MYBPC3: variants seen among roughly 807,000 people sequenced by gnomAD.
The protein encoded by MYBPC3 is myosin binding protein C3.
A neutral mutation model predicts 159.3 loss-of-function variants in MYBPC3; 108 were observed. That is an observed-to-expected ratio of 0.68 (90% CI 0.58 to 0.80). MYBPC3 has a LOEUF of 0.80. Ranked by LOEUF, MYBPC3 falls within the 30% of genes least tolerant of loss-of-function variation. MYBPC3 has a pLI of 0.00. For synonymous variants in MYBPC3, 730 were observed against 702.0 expected (o/e 1.04, Z -0.63); for missense variants, 1,631 against 1,762.1 (o/e 0.93, Z 1.33).
At position 47,350,518 on chromosome 11, in the gene MYBPC3, AC is replaced by A; in HGVS notation, c.389del (p.Ser130MetfsTer29). 6.4e-7 allele frequency: 1 copy of A among 1,558,736 alleles called. No individual in the cohort carries two copies. Among genetic ancestry groups the A allele is most frequent in the Non-Finnish European group, 8.6e-7 (1 of 1,156,252 alleles). On this transcript the variant is annotated frameshift_variant, in exon 3 of 35. Coordinates refer to ENST00000545968, the MANE Select transcript of MYBPC3 (RefSeq NM_000256.3). LOFTEE classifies it high-confidence loss of function. ...APAPAAELGE[S>X]APSPKGSSSA... Reference sequence around the variant, plus strand: ...CCCTCTCACCTTTGGGACTTGGGGCACTTTCTCCCAGCTCAGCGGCTGGGGC... The same window carrying A: ...CCCTCTCACCTTTGGGACTTGGGGCATTTCTCCCAGCTCAGCGGCTGGGGC...
chr11:47,349,968 G>A, intron 4 of MYBPC3, 46 bp from the exon 5 acceptor site: 1 of 1,565,192 alleles, frequency 6.4e-7, no homozygotes, highest in Admixed American at 1.9e-5. Context: ...GTGTCCTGCT[G>A]CCCCCCCTTC....
chr11:47,331,797 C>G (rs2095876003), intron 34 of MYBPC3, 48 bp downstream of exon 34: 6 of 1,555,722 alleles, frequency 3.9e-6, no homozygotes, highest in Non-Finnish European at 5.2e-6. Flanking sequence ...GGACCAAGGG[C>G]CAGGGCTCAG....
chr11:47,340,244 GACAC>G (rs780112012), intron 20 of MYBPC3, among the ~76,000 whole-genome samples: 2 of 150,104 alleles, frequency 1.3e-5, no homozygotes, highest in African/African-American at 4.9e-5. Flanking sequence ...CACAGACACA[GACAC>G]ACATATATAC....
At chr11:47,340,271 A>G (rs2095887165) in intron 20 of MYBPC3, among the ~76,000 whole-genome samples, 1 of 150,404 alleles carries the variant, frequency 6.6e-6, no homozygotes, top group Non-Finnish European at 1.5e-5. Flanking sequence ...ACACACACAG[A>G]CACATGCACA....
intron 3 of MYBPC3, 66 bp from the exon 4 acceptor site, chr11:47,350,178 C>G (rs759361434): frequency 1.4e-5 from 21 of 1,484,374 alleles, no homozygotes; most frequent in Non-Finnish European, 1.9e-5. Flanking sequence ...GGCTGGAGTG[C>G]AGAGGCACAA....
rs898633317 is a variant in MYBPC3, at chr11:47,350,534, G to A, written c.374C>T (p.Ala125Val). 5 of 1,557,396 alleles carry A rather than the reference G, an allele frequency of 3.2e-6. No individual in the cohort carries two copies. The African/African-American group carries it at 5.5e-5, about 17-fold the overall frequency. The change falls in exon 3 of 35, where the codon GCT (alanine) becomes GTT (valine). Residue 125 changes from alanine (A) to valine (V), a missense_variant. Ala to Val is a moderately conservative substitution (Grantham distance 64). Transcript: ENST00000545968. ...GAPGEAPAPA[A>V]ELGESAPSPK... ...ACTTGGGGCACTTTCTCCCAGCTCA[G>A]CGGCTGGGGCCGGGGCTTCTCCAGG...
rs780768974 is a variant in MYBPC3 at position 47,350,545 on chromosome 11, C to T, written c.363G>A (p.Pro121=). The change falls in exon 3 of 35, where the codon CCG becomes CCA. Residue 121 remains proline (P), a synonymous_variant. Transcript: ENST00000545968. ...AEATGAPGEA[P]APAAELGESA... is the part of the protein sequence containing the mutation. ...TTTCTCCCAGCTCAGCGGCTGGGGCCGGGGCTTCTCCAGGGGCTCCAGTGG... is the reference window on the plus strand; with the variant it reads ...TTTCTCCCAGCTCAGCGGCTGGGGCTGGGGCTTCTCCAGGGGCTCCAGTGG... 2.8e-5 allele frequency: 44 copies of T among 1,552,488 alleles called. No individual in the cohort carries two copies. Among genetic ancestry groups the T allele is most frequent in the South Asian group, 1.1e-4 (9 of 82,446 alleles).
At chr11:47,348,993 A>G (rs1426265682) in intron 5 of MYBPC3, among the ~76,000 whole-genome samples, 2 of 146,170 alleles carry the variant, frequency 1.4e-5, no homozygotes, top group African/African-American at 5.0e-5. Flanking sequence ...GTTAACCCAT[A>G]CAGAGTTTTT....
In MYBPC3 at chr11:47,335,929, G is replaced by A. The variant is rs1595843026; in HGVS notation, c.2685C>T (p.Arg895=). ...TVSLKWRPPE[R]VGAGGLDGYS... ...AGCCATCCAGGCCTCCTGCTCCCAC[G>A]CGCTCTGGGGGCCGCCACTTGAGGG... The change falls in exon 26 of 35, where the codon CGC becomes CGT. Residue 895 remains arginine (R), a synonymous_variant. Transcript: ENST00000545968. 4.5e-6 allele frequency: 7 copies of A among 1,555,310 alleles called. No homozygotes were observed. The South Asian group carries it at 4.8e-5, about 11-fold the overall frequency.
rs2095883651 is a variant in MYBPC3, at chr11:47,337,538, T to A, written c.2455A>T (p.Met819Leu). ...TGAATCAGGTCGAAGTTCAGCCGCATCCACCGGTAGCTCTTCTTCTTCTTG... is the reference window on the plus strand; with the variant it reads ...TGAATCAGGTCGAAGTTCAGCCGCAACCACCGGTAGCTCTTCTTCTTCTTG... ...ERKKKKSYRWMRLNFDLIQEL... is the reference protein window; with the variant it reads ...ERKKKKSYRWLRLNFDLIQEL... The change falls in exon 25 of 35, where the codon ATG becomes TTG. Residue 819 changes from methionine to leucine, a missense_variant. Met to Leu is a conservative substitution (Grantham distance 15). Transcript: ENST00000545968. 1 of 1,613,864 alleles carries A rather than the reference T, an allele frequency of 6.2e-7. No homozygotes were observed.
Position 47,339,692 on chromosome 11 carries a change from C to A in MYBPC3, c.2026G>T (p.Asp676Tyr), listed in dbSNP as rs953863522. ...KLRLDVPISG[D>Y]PAPTVIWQKA... ...TGCCAGATCACAGTGGGAGCAGGGTCCCCAGAGATAGGGACGTCCAGACGT... is the reference window on the plus strand; with the variant it reads ...TGCCAGATCACAGTGGGAGCAGGGTACCCAGAGATAGGGACGTCCAGACGT... The change falls in exon 21 of 35, where the codon GAC (aspartate) becomes TAC (tyrosine). Residue 676 changes from aspartate (D) to tyrosine (Y), a missense_variant. Coordinates refer to ENST00000545968, the MANE Select transcript of MYBPC3 (RefSeq NM_000256.3). 1 of 1,612,890 alleles carries A rather than the reference C, an allele frequency of 6.2e-7. No individual in the cohort carries two copies. The highest frequency in any genetic ancestry group is 1.7e-5 in the Admixed American group (1 of 59,856).
intron 26 of MYBPC3, 42 bp from the exon 27 acceptor site, chr11:47,335,251 C>A: frequency 1.4e-6 from 2 of 1,475,134 alleles, no homozygotes; most frequent in Non-Finnish European, 1.8e-6. Flanking sequence ...GGCTGTGTCA[C>A]CACTGACACC....
At position 47,342,883 on chromosome 11, in the gene MYBPC3, C is replaced by A. The variant is rs1595846367; in HGVS notation, c.1404G>T (p.Gly468=). The change falls in exon 16 of 35, where the codon GGG becomes GGT. Residue 468 remains glycine (G), a synonymous_variant. Transcript: ENST00000545968. The part of the protein sequence containing the change: ...RPLEDQLVMV[G]QRVEFECEVS... ...CTTCACACTCAAACTCCACCCGCTG[C>A]CCCACCATCACCAGCTGGTCCTCCA... The A allele has an allele frequency of 1.2e-6, 2 of 1,612,942 alleles. No individual in the cohort carries two copies. The highest frequency in any genetic ancestry group is 1.7e-6 in the Non-Finnish European group (2 of 1,179,414).
intron 20 of MYBPC3, among the ~76,000 whole-genome samples, chr11:47,340,232 CACACAG>C (rs201256952): frequency 3.2e-4 from 44 of 138,738 alleles, no homozygotes; most frequent in Admixed American, 1.2e-3. Context: ...TACACGCACA[CACACAG>C]ACACAGACAC....
In MYBPC3 at chr11:47,331,670, C is replaced by T. The variant is rs1017093613; in HGVS notation, c.*73G>A. The T allele has an allele frequency of 1.4e-5, 9 of 664,500 alleles. No individual in the cohort carries two copies. The Admixed American group carries it at 2.1e-4, about 15-fold the overall frequency. 41.2% of individuals were successfully genotyped at this position (664,500 alleles called of 1,614,324 possible). A position where few individuals can be genotyped will look rare whatever the true frequency, so the allele number is the denominator to read the frequency against. ...CATCCAACAGTAGGGAGGGGTTTCC[C>T]CAACTTCCCTCCAGGCTCCTGGCAC... is the stretch of plus-strand genomic sequence containing the variant. On this transcript the variant is annotated 3_prime_UTR_variant, in exon 35 of 35. Coordinates refer to ENST00000545968, the MANE Select transcript of MYBPC3 (RefSeq NM_000256.3).
chr11:47,345,588 T>C (rs961341486), intron 12 of MYBPC3, among the ~76,000 whole-genome samples: 1 of 152,118 alleles, frequency 6.6e-6, no homozygotes, highest in African/African-American at 2.4e-5. Flanking sequence ...GGAGAAGGCA[T>C]GTGAGACCCC....
chr11:47,340,210 A>G (rs545237457), intron 20 of MYBPC3, among the ~76,000 whole-genome samples: 1 of 148,682 alleles, frequency 6.7e-6, no homozygotes, highest in Non-Finnish European at 1.5e-5. Context: ...CACAGACACA[A>G]ATACACATAC....
At position 47,338,572 on chromosome 11, in the gene MYBPC3, T is replaced by C. The variant is rs2095884961; in HGVS notation, c.2256A>G (p.Thr752=). The change falls in exon 23 of 35, where the codon ACA becomes ACG. Residue 752 remains threonine, a synonymous_variant. Transcript: ENST00000545968. The surrounding 1 kb of genome is among the most constrained non-coding windows in gnomAD (Gnocchi z 4.7). The part of the protein sequence containing the change: ...EKEDEGVYTV[T]VKNPVGEDQV... ...GGTCCTCGCCCACAGGGTTCTTCAC[T>C]GTGACCGTGTAGACGCCCTCATCTT... 6.2e-7 allele frequency: 1 copy of C among 1,614,046 alleles called. No individual in the cohort carries two copies. Among genetic ancestry groups the C allele is most frequent in the Non-Finnish European group, 8.5e-7 (1 of 1,179,900 alleles).
rs552840579 is a variant in MYBPC3 at position 47,334,063 on chromosome 11, C to A, written c.2906-53G>T. ...GAGGGCCCGCCACAGCTCTGAGGGG[C>A]TCCACAGCTCCAACCTCCCTTGAGA... On this transcript the variant is annotated intron_variant, in intron 27 of 34. Transcript: ENST00000545968. The A allele has an allele frequency of 1.9e-5, 28 of 1,491,382 alleles. No individual in the cohort carries two copies. In the South Asian group the frequency reaches 3.0e-4, roughly 16 times the overall value. The allele number at this position is 1,491,382 out of a possible 1,614,324, so 92.4% of individuals were successfully genotyped here.
Sources: gnomAD v4.1 joint callset for allele counts (sites outside exome capture counted in the v4.1 genomes callset) on GRCh38, gnomAD v4.1.1 for gene constraint, Gnocchi (gnomAD v3.1) non-coding constraint, MANE v1.5 for transcripts, NCBI Gene and HGNC (gene_info 2026-07-23, HGNC 2026-07-21) for gene names.